HLCS: variants seen among roughly 807,000 people sequenced by gnomAD.
HLCS encodes the protein holocarboxylase synthetase, also known as biotin--protein ligase.
In HLCS, 53 loss-of-function variants were observed where a neutral mutation model predicts 75.0. The observed-to-expected ratio is 0.71, with a 90% confidence interval of 0.57 to 0.89. The LOEUF is 0.89. HLCS is among the 40% of genes least tolerant of loss of function. The pLI, the probability that HLCS is intolerant of heterozygous loss-of-function variation, is 0.00. For synonymous variants in HLCS, 431 were observed against 428.6 expected, an observed-to-expected ratio of 1.01 and a Z score of -0.07; for missense variants, 966 against 1,074.0, an observed-to-expected ratio of 0.90 and a Z score of 1.41.
At position 36,752,748 on chromosome 21, in the gene HLCS, TG is replaced by T. The variant is rs2089416829; in HGVS notation, c.*1497del. 2 of 152,338 alleles carry T rather than the reference TG, an allele frequency of 1.3e-5. No homozygotes were observed. The highest frequency in any genetic ancestry group is 4.1e-4 in the South Asian group (2 of 4,832). 9.4% of individuals were successfully genotyped at this position (152,338 alleles called of 1,614,324 possible). A position where few individuals can be genotyped will look rare whatever the true frequency, so the allele number is the denominator to read the frequency against. On this transcript the variant is annotated 3_prime_UTR_variant, in exon 11 of 11. Transcript: ENST00000674895. ...TGTTTCATTTCCAAAAAATATATAT[TG>T]GGTATTTTTTCATAGGGCTGTCCTG...
At chr21:36,833,635 G>A (rs1193832036) in intron 6 of HLCS, among the ~76,000 whole-genome samples, 1 of 149,488 alleles carries the variant, frequency 6.7e-6, no homozygotes, top group Non-Finnish European at 1.5e-5. Flanking sequence ...CACTGACTCT[G>A]TATGGAGATT....
Position 36,966,658 on chromosome 21 carries a change from C to A in HLCS, c.-20G>T, listed in dbSNP as rs965697841. Reference sequence around the variant, plus strand: ...GAGCATGGCCGCGCCGCCGGCAGGGCGAGCCCGCCTTGCCCGCCCGCCCCA... The same window carrying A: ...GAGCATGGCCGCGCCGCCGGCAGGGAGAGCCCGCCTTGCCCGCCCGCCCCA... On this transcript the variant is annotated 5_prime_UTR_variant, in exon 1 of 11. Coordinates refer to ENST00000674895, the MANE Select transcript of HLCS (RefSeq NM_001352514.2). 9.5e-4 allele frequency: 925 copies of A among 974,326 alleles called. 1 individual carries two copies. Among genetic ancestry groups the A allele is most frequent in the Non-Finnish European group, 1.1e-3 (901 of 822,900 alleles). 60.4% of individuals were successfully genotyped at this position (974,326 alleles called of 1,614,324 possible).
At chr21:36,961,220 G>A (rs189818871) in intron 2 of HLCS, among the ~76,000 whole-genome samples, 41 of 152,322 alleles carry the variant, frequency 2.7e-4, no homozygotes, top group African/African-American at 7.5e-4. Context: ...CGTTTAGGAC[G>A]TAGGTGGTGA....
intron 6 of HLCS, among the ~76,000 whole-genome samples, chr21:36,894,635 T>G (rs942116237): frequency 6.6e-6 from 1 of 152,162 alleles, no homozygotes; most frequent in Non-Finnish European, 1.5e-5. Flanking sequence ...CAGTATCAGC[T>G]CTGCACCAAG....
At chr21:36,882,597 C>G (rs1276271446) in intron 6 of HLCS, among the ~76,000 whole-genome samples, 1 of 150,172 alleles carries the variant, frequency 6.7e-6, no homozygotes, top group Non-Finnish European at 1.5e-5. Flanking sequence ...CGTGTCACCA[C>G]GCCTGGCTAA....
intron 6 of HLCS, chr21:36,806,036 A>T (rs1156596226): frequency 6.6e-6 from 1 of 152,210 alleles, no homozygotes; most frequent in Non-Finnish European, 1.5e-5. Flanking sequence ...TATCACTTAC[A>T]GAGGGATTCT....
rs368350434 is a variant in HLCS at position 36,876,213 on chromosome 21, G to T, written c.1892+20647C>A. ...TGAGAGTGCGAGCCAAGTGCAGCCT[G>T]CCAGGGCTGAATGAGCCCAGCAGGC... On this transcript the variant is annotated intron_variant, in intron 6 of 10. Coordinates refer to ENST00000674895, the MANE Select transcript of HLCS (RefSeq NM_001352514.2). 8.7e-4 allele frequency among the ~76,000 whole-genome samples: 133 copies of T among 152,268 alleles called. 3 individuals carry two copies. The South Asian group carries it at 0.026, about 30-fold the overall frequency.
At chr21:36,756,295 G>A (rs558424313) in intron 10 of HLCS, among the ~76,000 whole-genome samples, 100 of 151,936 alleles carry the variant, frequency 6.6e-4, no homozygotes, top group Non-Finnish European at 1.1e-3. Context: ...AAAATTAGCC[G>A]GGTGTGGCGG....
chr21:36,778,121 A>G (rs1489216028), intron 6 of HLCS, among the ~76,000 whole-genome samples: 3 of 151,934 alleles, frequency 2.0e-5, no homozygotes, highest in Non-Finnish European at 4.4e-5. Context: ...GGCGCCCGCC[A>G]CCACGCCCGG....
intron 6 of HLCS, among the ~76,000 whole-genome samples, chr21:36,777,521 G>A (rs2060396408): frequency 6.6e-6 from 1 of 152,170 alleles, no homozygotes; most frequent in Non-Finnish European, 1.5e-5. Flanking sequence ...TTTTTTTCTG[G>A]TCTAAGATCA....
intron 1 of HLCS, among the ~76,000 whole-genome samples, chr21:36,988,839 G>C (rs1348275682): frequency 6.6e-6 from 1 of 152,088 alleles, no homozygotes; most frequent in Non-Finnish European, 1.5e-5. Flanking sequence ...TCATTTTTGT[G>C]CAGATTGTCA....
At chr21:36,970,632 G>A (rs1010502312), upstream of HLCS, among the ~76,000 whole-genome samples, 1 of 151,320 alleles carries the variant, frequency 6.6e-6, no homozygotes, top group Admixed American at 6.6e-5. Context: ...GCCTCCCAAA[G>A]TACCGGGATT....
chr21:36,968,905 C>G (rs1893653), upstream of HLCS: 62,271 of 152,108 alleles, frequency 0.41, 13,486 homozygotes, highest in South Asian at 0.53. Context: ...CACAGGTACT[C>G]TAACTCCACC....
At chr21:36,763,434 T>A (rs1213517805) in intron 8 of HLCS, among the ~76,000 whole-genome samples, 1 of 152,152 alleles carries the variant, frequency 6.6e-6, no homozygotes. Context: ...GGATGCTGGG[T>A]GCCTGGTAGT....
At chr21:36,756,179 C>G (rs1434242103) in intron 10 of HLCS, among the ~76,000 whole-genome samples, 1 of 152,076 alleles carries the variant, frequency 6.6e-6, no homozygotes, top group African/African-American at 2.4e-5. Flanking sequence ...TGGCTCACAC[C>G]TGTAATCCCA....
At chr21:36,883,603 A>G (rs1227964502) in intron 6 of HLCS, among the ~76,000 whole-genome samples, 1 of 152,248 alleles carries the variant, frequency 6.6e-6, no homozygotes, top group African/African-American at 2.4e-5. Context: ...TTACTGCATC[A>G]GAATCTTGAA....
chr21:36,775,406 G>A (rs1482602268), intron 6 of HLCS, among the ~76,000 whole-genome samples: 1 of 152,200 alleles, frequency 6.6e-6, no homozygotes, highest in Non-Finnish European at 1.5e-5. Context: ...ATAAATACTA[G>A]ATGCCTGCGC....
intron 6 of HLCS, among the ~76,000 whole-genome samples, chr21:36,863,043 G>A (rs765617709): frequency 2.0e-5 from 3 of 149,978 alleles, no homozygotes; most frequent in Non-Finnish European, 4.4e-5. Context: ...GGACTACATC[G>A]CGCCACTGAG....
intron 6 of HLCS, among the ~76,000 whole-genome samples, chr21:36,816,653 C>T (rs1270375641): frequency 1.3e-5 from 2 of 152,130 alleles, no homozygotes; most frequent in Non-Finnish European, 2.9e-5. Context: ...TACTGAGGTC[C>T]CAGGACACAC....
Sources: allele counts gnomAD v4.1 joint callset (sites outside exome capture counted in the v4.1 genomes callset), GRCh38; gene constraint gnomAD v4.1.1; transcripts MANE v1.5; gene names NCBI Gene and HGNC (gene_info 2026-07-23, HGNC 2026-07-21).